Variants in SERAC1 observed in about 807,000 individuals in gnomAD.
SERAC1 encodes serine active site containing 1, also known as protein SERAC1.
Under a neutral mutation model 85.7 loss-of-function variants are expected in SERAC1, and 36 were observed. The ratio of observed to expected loss-of-function variants is 0.42; its 90% CI spans 0.32 to 0.55. The LOEUF is 0.55. Ranked by LOEUF, SERAC1 falls within the 20% of genes least tolerant of loss-of-function variation. The pLI is 0.11. For synonymous variants in SERAC1, 242 were observed against 265.3 expected, an observed-to-expected ratio of 0.91 and a Z score of 0.85; for missense variants, 629 against 796.2, an observed-to-expected ratio of 0.79 and a Z score of 2.53.
intron 8 of SERAC1, among the ~76,000 whole-genome samples, chr6:158,133,627 C>T (rs1404714679): frequency 6.6e-6 from 1 of 151,968 alleles, no homozygotes; most frequent in Non-Finnish European, 1.5e-5. Flanking sequence ...CCTCGTGATC[C>T]GCCCGCCTCG....
At chr6:158,144,565 T>C in intron 6 of SERAC1, 145 bp from the exon 7 acceptor site, 1 of 654,754 alleles carries the variant, frequency 1.5e-6, no homozygotes, top group Non-Finnish European at 2.6e-6. Context: ...TGCAACTACA[T>C]TTACAACACC....
chr6:158,120,388 C>T lies in SERAC1; in HGVS notation c.1166+37G>A. ...TTTGAGGCCTCTAGGCTTCACATTT[C>T]CAAAGGGGACAAAGCAACTCTCTTC... is the stretch of plus-strand genomic sequence containing the variant. On this transcript the variant is annotated intron_variant, in intron 11 of 16. Transcript: ENST00000647468. This position sits in a 1 kb window ranked among gnomAD's most constrained non-coding sequence, Gnocchi z 4.4. The T allele has an allele frequency of 3.8e-6, 6 of 1,575,270 alleles. No individual in the cohort carries two copies. The highest frequency in any genetic ancestry group is 4.3e-6 in the Non-Finnish European group (5 of 1,157,974).
At chr6:158,156,377 C>T (rs1487513910) in intron 2 of SERAC1, among the ~76,000 whole-genome samples, 1 of 152,022 alleles carries the variant, frequency 6.6e-6, no homozygotes, top group African/African-American at 2.4e-5. Flanking sequence ...CAGTGTAACA[C>T]AGTTGTAGCC....
chr6:158,158,428 C>T (rs1218596996), intron 1 of SERAC1, 64 bp from the exon 2 acceptor site: 9 of 1,234,874 alleles, frequency 7.3e-6, no homozygotes, highest in Non-Finnish European at 1.1e-5. Flanking sequence ...CTTGTTTTAA[C>T]TACAAGAACA....
At chr6:158,147,181 C>T (rs979503219) in intron 5 of SERAC1, among the ~76,000 whole-genome samples, 2 of 151,984 alleles carry the variant, frequency 1.3e-5, no homozygotes, top group Admixed American at 6.6e-5. Context: ...CTCTGTTACC[C>T]AGGCTGGAGT....
chr6:158,153,516 T>C (rs1462714064), intron 3 of SERAC1, among the ~76,000 whole-genome samples: 2 of 152,226 alleles, frequency 1.3e-5, no homozygotes, highest in Non-Finnish European at 1.5e-5. Flanking sequence ...TATTCAATTT[T>C]ACTAGAGAAT....
chr6:158,115,661 C>A (rs1176939596), intron 14 of SERAC1, among the ~76,000 whole-genome samples: 1 of 152,114 alleles, frequency 6.6e-6, no homozygotes, highest in Non-Finnish European at 1.5e-5. Context: ...GGGGGAGTCG[C>A]ACACAGGGGA....
At chr6:158,145,997 G>A (rs967705793) in intron 6 of SERAC1, 1 of 152,108 alleles carries the variant, frequency 6.6e-6, no homozygotes, top group African/African-American at 2.4e-5. Flanking sequence ...CATTAAAAAT[G>A]ATATACACAA....
At chr6:158,154,262 T>G (rs1785274425) in intron 3 of SERAC1, among the ~76,000 whole-genome samples, 1 of 151,960 alleles carries the variant, frequency 6.6e-6, no homozygotes, top group Admixed American at 6.6e-5. Context: ...CTGTTTTCCA[T>G]GAAAGACAAA....
chr6:158,113,728 TC>T (rs1260720471), intron 15 of SERAC1, 136 bp from the exon 16 acceptor site: 7 of 771,256 alleles, frequency 9.1e-6, no homozygotes, highest in Non-Finnish European at 9.9e-6. Flanking sequence ...GTTTATTTTC[TC>T]CCCTGCCAAG....
intron 9 of SERAC1, among the ~76,000 whole-genome samples, chr6:158,128,618 T>C (rs1208001050): frequency 6.6e-6 from 1 of 152,152 alleles, no homozygotes; most frequent in Non-Finnish European, 1.5e-5. Context: ...CTTAAAACAG[T>C]TCTCACCTTG....
intron 8 of SERAC1, among the ~76,000 whole-genome samples, chr6:158,136,581 G>C (rs1326760471): frequency 6.6e-6 from 1 of 152,094 alleles, no homozygotes; most frequent in Non-Finnish European, 1.5e-5. Flanking sequence ...CCGCAGCCTC[G>C]AACTCCTGGA....
intron 8 of SERAC1, among the ~76,000 whole-genome samples, chr6:158,142,634 G>A (rs1043407455): frequency 4.6e-5 from 7 of 151,950 alleles, no homozygotes; most frequent in Non-Finnish European, 5.9e-5. Context: ...GTGCCACCAC[G>A]CCCAGCTAAT....
intron 10 of SERAC1, among the ~76,000 whole-genome samples, chr6:158,127,405 C>T (rs1170997559): frequency 1.9e-5 from 1 of 53,548 alleles, no homozygotes; most frequent in African/African-American, 6.6e-5. Flanking sequence ...GCCAGCCGCC[C>T]CGTCCGGGAG....
At chr6:158,131,470 ATAAATAT>A (rs1475514108) in intron 8 of SERAC1, among the ~76,000 whole-genome samples, 1 of 101,770 alleles carries the variant, frequency 9.8e-6, no homozygotes, top group Non-Finnish European at 2.0e-5. Context: ...TATAAAATAC[ATAAATAT>A]AATATAAATA....
At chr6:158,132,917 C>T (rs1259017585) in intron 8 of SERAC1, among the ~76,000 whole-genome samples, 3 of 152,156 alleles carry the variant, frequency 2.0e-5, no homozygotes, top group African/African-American at 4.8e-5. Flanking sequence ...AAACACCAAA[C>T]ATCAAATTCT....
At chr6:158,138,728 G>C (rs1299513703) in intron 8 of SERAC1, among the ~76,000 whole-genome samples, 1 of 152,102 alleles carries the variant, frequency 6.6e-6, no homozygotes, top group Non-Finnish European at 1.5e-5. Context: ...TGCTGAAATT[G>C]AGGTGGTTCC....
At position 158,120,319 on chromosome 6, in the gene SERAC1, T is replaced by C. The variant is rs927223885; in HGVS notation, c.1166+106A>G. On this transcript the variant is annotated intron_variant, in intron 11 of 16. Coordinates refer to ENST00000647468, the MANE Select transcript of SERAC1 (RefSeq NM_032861.4). The surrounding 1 kb of genome is among the most constrained non-coding windows in gnomAD (Gnocchi z 4.4). Reference sequence around the variant, plus strand: ...TTTAGTAAATAAGATATTTGACTTATAAGTTATTTAACTTATCTGAATTAT... The same window carrying C: ...TTTAGTAAATAAGATATTTGACTTACAAGTTATTTAACTTATCTGAATTAT... 1 of 1,153,574 alleles carries C rather than the reference T, an allele frequency of 8.7e-7. No homozygotes were observed. Among genetic ancestry groups the C allele is most frequent in the African/African-American group, 1.6e-5 (1 of 64,216 alleles). The allele number at this position is 1,153,574 out of a possible 1,614,324, so 71.5% of individuals were successfully genotyped here.
In SERAC1 at chr6:158,155,217, T is replaced by C. The variant is rs76017966; in HGVS notation, c.128+98A>G. 1.6e-3 allele frequency: 1,205 copies of C among 773,756 alleles called. 11 individuals are homozygous for C. The African/African-American group carries it at 0.018, about 12-fold the overall frequency. 47.9% of individuals were successfully genotyped at this position (773,756 alleles called of 1,614,324 possible). A position where few individuals can be genotyped will look rare whatever the true frequency, so the allele number is the denominator to read the frequency against. On this transcript the variant is annotated intron_variant, in intron 3 of 16. Coordinates refer to ENST00000647468, the MANE Select transcript of SERAC1 (RefSeq NM_032861.4). Reference sequence around the variant, plus strand: ...TCCACCAGTCTAATTCCAAAATCTATACCCTTTCAAGACCTCATGCAACCT... The same window carrying C: ...TCCACCAGTCTAATTCCAAAATCTACACCCTTTCAAGACCTCATGCAACCT...
Sources: gnomAD v4.1 joint callset for allele counts (sites outside exome capture counted in the v4.1 genomes callset) on GRCh38, gnomAD v4.1.1 for gene constraint, Gnocchi (gnomAD v3.1) non-coding constraint, MANE v1.5 for transcripts, NCBI Gene and HGNC (gene_info 2026-07-23, HGNC 2026-07-21) for gene names.